Variants in DGLUCY observed in about 807,000 individuals in gnomAD.
DGLUCY encodes D-glutamate cyclase, mitochondrial.
Under a neutral mutation model 58.5 loss-of-function variants are expected in DGLUCY, and 58 were observed. The ratio of observed to expected loss-of-function variants is 0.99; its 90% CI spans 0.80 to 1.23. DGLUCY has a LOEUF of 1.23. Ranked by LOEUF, DGLUCY falls within the 50% of genes most tolerant of loss-of-function variation. DGLUCY has a pLI of 0.00. For synonymous variants in DGLUCY, 325 were observed against 314.1 expected, an observed-to-expected ratio of 1.03 and a Z score of -0.37; for missense variants, 779 against 784.7, an observed-to-expected ratio of 0.99 and a Z score of 0.09.
chr14:91,061,443 A>G (rs2043679926), intron 1 of DGLUCY, among the ~76,000 whole-genome samples: 1 of 152,258 alleles, frequency 6.6e-6, no homozygotes, highest in South Asian at 2.1e-4. Flanking sequence ...CTTTCAATAG[A>G]ACGTGAGAAA....
intron 11 of DGLUCY, among the ~76,000 whole-genome samples, chr14:91,201,778 C>T (rs1469387913): frequency 6.6e-6 from 1 of 151,658 alleles, no homozygotes; most frequent in Non-Finnish European, 1.5e-5. Flanking sequence ...ATGGTCTGGG[C>T]GTGGTGGCTC....
upstream of DGLUCY, among the ~76,000 whole-genome samples, chr14:91,104,704 C>T (rs139848619): frequency 3.3e-5 from 5 of 152,266 alleles, no homozygotes; most frequent in African/African-American, 9.6e-5. Context: ...TGCCTGACTC[C>T]GTCCTGGGCT....
upstream of DGLUCY, among the ~76,000 whole-genome samples, chr14:91,104,462 G>A (rs1595648963): frequency 3.3e-5 from 5 of 152,056 alleles, no homozygotes; most frequent in East Asian, 9.6e-4. Context: ...GCATAGGACA[G>A]CCCCCCACAA....
intron 1 of DGLUCY, among the ~76,000 whole-genome samples, chr14:91,076,238 C>G (rs1348113351): frequency 6.6e-6 from 1 of 152,072 alleles, no homozygotes; most frequent in Non-Finnish European, 1.5e-5. Flanking sequence ...TCCAGGATCC[C>G]CAAGGATACT....
intron 1 of DGLUCY, among the ~76,000 whole-genome samples, chr14:91,151,396 C>A (rs1451824993): frequency 2.0e-5 from 3 of 151,930 alleles, no homozygotes; most frequent in African/African-American, 7.2e-5. Flanking sequence ...CCCACCACCA[C>A]ACCCGGCTAA....
intron 1 of DGLUCY, among the ~76,000 whole-genome samples, chr14:91,091,768 TA>T (rs2044315840): frequency 6.6e-6 from 1 of 152,066 alleles, no homozygotes; most frequent in African/African-American, 2.4e-5. Context: ...TTCCATCCCT[TA>T]TGGAGTCCCT....
At chr14:91,101,096 T>C (rs1285670738) in intron 1 of DGLUCY, among the ~76,000 whole-genome samples, 3 of 152,014 alleles carry the variant, frequency 2.0e-5, no homozygotes, top group Non-Finnish European at 2.9e-5. Flanking sequence ...TATTTTATTG[T>C]GGTAAGAACA....
intron 8 of DGLUCY, among the ~76,000 whole-genome samples, chr14:91,187,622 TA>T (rs2049602416): frequency 1.3e-5 from 2 of 152,312 alleles, no homozygotes; most frequent in South Asian, 4.1e-4. Flanking sequence ...CCTCTTACCA[TA>T]GGCTCAGGTC....
At chr14:91,132,675 G>T (rs1054290200) in intron 1 of DGLUCY, among the ~76,000 whole-genome samples, 6 of 151,020 alleles carry the variant, frequency 4.0e-5, no homozygotes, top group African/African-American at 1.5e-4. Flanking sequence ...ATGGGGTTTT[G>T]CCATGTTGTC....
intron 1 of DGLUCY, among the ~76,000 whole-genome samples, chr14:91,070,229 CAA>C (rs2043892815): frequency 6.6e-6 from 1 of 152,012 alleles, no homozygotes; most frequent in Non-Finnish European, 1.5e-5. Flanking sequence ...CCCTCCAAGC[CAA>C]AAGAGTCTCT....
At chr14:91,065,294 A>G (rs1411905539) in intron 1 of DGLUCY, among the ~76,000 whole-genome samples, 1 of 152,192 alleles carries the variant, frequency 6.6e-6, no homozygotes, top group East Asian at 1.9e-4. Flanking sequence ...TTCTCTAGCA[A>G]CTTACATATC....
intron 2 of DGLUCY, among the ~76,000 whole-genome samples, chr14:91,158,051 A>G (rs1595790555): frequency 6.6e-6 from 1 of 152,244 alleles, no homozygotes; most frequent in East Asian, 1.9e-4. Context: ...AGTGGCTGCT[A>G]TTCCCCACAA....
upstream of DGLUCY, among the ~76,000 whole-genome samples, chr14:91,109,647 A>C (rs540276993): frequency 1.3e-5 from 2 of 152,238 alleles, no homozygotes; most frequent in Middle Eastern, 3.4e-3. Context: ...CCACCTTATC[A>C]CTATGTGCTC....
intron 1 of DGLUCY, among the ~76,000 whole-genome samples, chr14:91,084,282 C>T (rs1315489300): frequency 1.3e-5 from 2 of 151,238 alleles, no homozygotes; most frequent in Admixed American, 1.3e-4. Context: ...CGGCTCACTG[C>T]AACCTCCACC....
intron 1 of DGLUCY, among the ~76,000 whole-genome samples, chr14:91,116,433 C>A (rs2044947080): frequency 6.6e-6 from 1 of 152,188 alleles, no homozygotes; most frequent in Admixed American, 6.5e-5. Context: ...TCAGGCACAG[C>A]TCTCTGGAAG....
At chr14:91,082,533 T>C (rs1439367874) in intron 1 of DGLUCY, among the ~76,000 whole-genome samples, 1 of 152,196 alleles carries the variant, frequency 6.6e-6, no homozygotes, top group Non-Finnish European at 1.5e-5. Context: ...GAGGTGGTGA[T>C]TCTTATAATT....
chr14:91,074,028 G>A (rs977938625), intron 1 of DGLUCY, among the ~76,000 whole-genome samples: 1 of 149,350 alleles, frequency 6.7e-6, no homozygotes, highest in African/African-American at 2.5e-5. Flanking sequence ...AGTAGAGGTG[G>A]GCAGATTGCT....
chr14:91,183,433 T>C (rs1022859854), intron 8 of DGLUCY, among the ~76,000 whole-genome samples: 1 of 152,196 alleles, frequency 6.6e-6, no homozygotes, highest in African/African-American at 2.4e-5. Context: ...CCATTGTGTG[T>C]GGTAAATCCC....
chr14:91,110,623 G>C (rs774040275), upstream of DGLUCY, among the ~76,000 whole-genome samples: 2 of 151,682 alleles, frequency 1.3e-5, no homozygotes, highest in African/African-American at 2.4e-5. Flanking sequence ...TAGAGACAAG[G>C]GTACTCCATG....
Sources: allele counts gnomAD v4.1 joint callset (sites outside exome capture counted in the v4.1 genomes callset), GRCh38; gene constraint gnomAD v4.1.1; transcripts MANE v1.5; gene names NCBI Gene and HGNC (gene_info 2026-07-23, HGNC 2026-07-21).